The following XKR5 variants were observed in gnomAD, a reference collection of about 807,000 sequenced individuals.
XKR5 encodes the protein XK-related protein 5.
A neutral mutation model predicts 40.8 loss-of-function variants in XKR5; 46 were observed. The observed-to-expected ratio is 1.13, with a 90% CI of 0.89 to 1.44. The LOEUF (loss-of-function observed/expected upper bound fraction) is 1.44. Among genes scored for constraint, XKR5 ranks in the 40% most tolerant of loss-of-function variants. XKR5 has a pLI of 0.00. For synonymous variants in XKR5, 466 were observed against 356.1 expected (o/e 1.31, Z -3.48); for missense variants, 1,169 against 844.7 (o/e 1.38, Z -4.76).
At chr8:6,826,102 A>G (rs1031099554) in intron 2 of XKR5, among the ~76,000 whole-genome samples, 6 of 152,184 alleles carry the variant, frequency 3.9e-5, no homozygotes, top group African/African-American at 1.4e-4. Context: ...ATGTGCGTGT[A>G]TATGGGTGAA....
chr8:6,824,260 G>A (rs1447868671), intron 3 of XKR5, among the ~76,000 whole-genome samples: 1 of 150,178 alleles, frequency 6.7e-6, no homozygotes, highest in African/African-American at 2.5e-5. Flanking sequence ...TGCAATTGTG[G>A]ACACTCAGCA....
chr8:6,834,519 C>T (rs1217587034), intron 1 of XKR5, among the ~76,000 whole-genome samples: 2 of 152,248 alleles, frequency 1.3e-5, no homozygotes, highest in African/African-American at 4.8e-5. Context: ...CCCCGCAGGT[C>T]CTGTCTCAGC....
In XKR5 at chr8:6,810,358, C is replaced by G. The variant is rs1006028493; in HGVS notation, c.*840G>C. On this transcript the variant is annotated 3_prime_UTR_variant, in exon 7 of 7. Coordinates refer to ENST00000618742, the MANE Select transcript of XKR5 (RefSeq NM_207411.5). The stretch of plus-strand genomic sequence containing the variant: ...CCCTTCTTTTTGGATGGGCTTAAAT[C>G]ATGGATAGTGTCTCACATTGAATGG... 1 of 152,256 alleles carries G rather than the reference C, an allele frequency of 6.6e-6. No individual in the cohort carries two copies. The highest frequency in any genetic ancestry group is 1.5e-5 in the Non-Finnish European group (1 of 68,066). The allele number at this position is 152,256 out of a possible 1,614,324, so 9.4% of individuals were successfully genotyped here.
At chr8:6,835,296 C>A in intron 1 of XKR5, 140 bp downstream of exon 1, 2 of 837,614 alleles carry the variant, frequency 2.4e-6, no homozygotes, top group Non-Finnish European at 3.3e-6. Context: ...GGATGGCCAC[C>A]ACCGTGCGTC....
intron 6 of XKR5, among the ~76,000 whole-genome samples, chr8:6,815,103 C>T (rs1409492700): frequency 1.3e-5 from 2 of 152,162 alleles, no homozygotes; most frequent in African/African-American, 2.4e-5. Context: ...CTGGCTTTGA[C>T]GGTCCCACCG....
At chr8:6,825,101 G>T (rs923732866) in intron 3 of XKR5, 64 bp downstream of exon 3, 2 of 1,587,802 alleles carry the variant, frequency 1.3e-6, no homozygotes, top group East Asian at 2.2e-5. Flanking sequence ...TTGCTAAACA[G>T]GCTCACATTC....
In XKR5 at chr8:6,825,214, C is replaced by A. The variant is rs761361370; in HGVS notation, c.378G>T (p.Leu126=). ...AGGCTAGAAAAACATATGTCTGAAG[C>A]AGCAGGTGGGGCCCAGTCTGCAGCA... is the stretch of plus-strand genomic sequence containing the variant. ...EALLQTGPHL[L]LQTYVFLASD... Residue 126 remains leucine (L), a synonymous_variant, in exon 3 of 7, where the codon CTG becomes CTT. Coordinates refer to ENST00000618742, the MANE Select transcript of XKR5 (RefSeq NM_207411.5). 6.2e-7 allele frequency: 1 copy of A among 1,613,180 alleles called. No homozygotes were observed. Among genetic ancestry groups the A allele is most frequent in the South Asian group, 1.1e-5 (1 of 90,878 alleles).
Position 6,815,901 on chromosome 8 carries a change from G to A in XKR5, c.825C>T (p.Asn275=), listed in dbSNP as rs566651812. Residue 275 remains asparagine, a synonymous_variant, in exon 6 of 7, where the codon AAC becomes AAT. Transcript: ENST00000618742. ...VTFYMVMLLE[N]IILLLLATDF... is the part of the protein sequence containing the mutation. The stretch of plus-strand genomic sequence containing the variant: ...CGGTGGCCAACAGCAACAGGATGAT[G>A]TTCTCCAACAGCATGACCTGCGGGA... The A allele has an allele frequency of 8.2e-5, 132 of 1,601,602 alleles. 4 individuals are homozygous for A. In the South Asian group the frequency reaches 1.3e-3, roughly 16 times the overall value.
rs1563342585 is a variant in XKR5, at chr8:6,809,931, C to T, written c.*1267G>A. On this transcript the variant is annotated 3_prime_UTR_variant, in exon 7 of 7. Coordinates refer to ENST00000618742, the MANE Select transcript of XKR5 (RefSeq NM_207411.5). ...TTGGAGACCAGCCTGAGCCACCTGG[C>T]AAGAACCTGTCTCTACAAAAAATAC... 6.6e-6 allele frequency: 1 copy of T among 152,108 alleles called. No homozygotes were observed. The highest frequency in any genetic ancestry group is 1.5e-5 in the Non-Finnish European group (1 of 68,088). The allele number at this position is 152,108 out of a possible 1,614,324, so 9.4% of individuals were successfully genotyped here.
intron 6 of XKR5, among the ~76,000 whole-genome samples, chr8:6,814,127 G>A (rs1421258387): frequency 5.3e-5 from 8 of 152,354 alleles, no homozygotes; most frequent in Admixed American, 4.6e-4. Context: ...TGAGAGTGGT[G>A]CTTCTCACCC....
In XKR5 at chr8:6,822,717, C is replaced by T. The variant is rs753091540; in HGVS notation, c.638-679G>A. Among the ~76,000 whole-genome samples the T allele has an allele frequency of 9.2e-5, 14 of 152,272 alleles. No individual in the cohort carries two copies. In the East Asian group the frequency reaches 1.3e-3, roughly 15 times the overall value. On this transcript the variant is annotated intron_variant, in intron 4 of 6. Coordinates refer to ENST00000618742, the MANE Select transcript of XKR5 (RefSeq NM_207411.5). ...GATGACCAGAGATGACAGCTCTCCT[C>T]GGCAGGGACACACAGGCCCTATTCA... is the stretch of plus-strand genomic sequence containing the variant.
chr8:6,812,329 T>C lies in XKR5; in HGVS notation c.930A>G (p.Ser310=). 6.5e-7 allele frequency: 1 copy of C among 1,546,424 alleles called. No individual in the cohort carries two copies. The highest frequency in any genetic ancestry group is 8.7e-7 in the Non-Finnish European group (1 of 1,144,634). The change falls in exon 7 of 7, where the codon TCA becomes TCG. Residue 310 remains serine (S), a synonymous_variant. Coordinates refer to ENST00000618742, the MANE Select transcript of XKR5 (RefSeq NM_207411.5). ...VLSGFLIGSV[S]LVIYYSLLHP... Reference sequence around the variant, plus strand: ...GCAGCAGGCTGTAATAAATTACCAGTGAGACACTGCCTGAAAAAGAACAAA... The same window carrying C: ...GCAGCAGGCTGTAATAAATTACCAGCGAGACACTGCCTGAAAAAGAACAAA...
rs1255248397 is a variant in XKR5 at position 6,812,222 on chromosome 8, T to G, written c.1037A>C (p.Asp346Ala). 6 of 1,551,888 alleles carry G rather than the reference T, an allele frequency of 3.9e-6. No individual in the cohort carries two copies. The highest frequency in any genetic ancestry group is 5.2e-6 in the Non-Finnish European group (6 of 1,147,074). Reference sequence around the variant, plus strand: ...AGCTAGATCTGTGGCCCGGGGAGAATCTCTTCTCTCTGTTTTATCACCTCC... The same window carrying G: ...AGCTAGATCTGTGGCCCGGGGAGAAGCTCTTCTCTCTGTTTTATCACCTCC... ...IAGGDKTERR[D>A]SPRATDLAGK... Residue 346 changes from aspartate to alanine, a missense_variant, in exon 7 of 7, where the codon GAT becomes GCT. By Grantham distance (126) the Asp-to-Ala change is moderately radical (BLOSUM62 -2). Coordinates refer to ENST00000618742, the MANE Select transcript of XKR5 (RefSeq NM_207411.5).
intron 2 of XKR5, among the ~76,000 whole-genome samples, chr8:6,830,038 C>T (rs550990997): frequency 1.3e-4 from 20 of 151,856 alleles, no homozygotes; most frequent in African/African-American, 4.1e-4. Context: ...GGGGTTTCAC[C>T]GTGTTAGCCA....
chr8:6,823,819 G>A (rs952048250), intron 3 of XKR5, 89 bp from the exon 4 acceptor site: 2 of 1,155,754 alleles, frequency 1.7e-6, no homozygotes, highest in Non-Finnish European at 1.3e-6. Context: ...TTTCTTTAAT[G>A]GGATGTGTAA....
chr8:6,812,563 C>A (rs1247003590), intron 6 of XKR5, among the ~76,000 whole-genome samples: 1 of 152,200 alleles, frequency 6.6e-6, no homozygotes, highest in Non-Finnish European at 1.5e-5. Context: ...AATAACAAGG[C>A]TTAAATCCGA....
intron 5 of XKR5, among the ~76,000 whole-genome samples, chr8:6,819,358 A>T (rs1804119291): frequency 6.6e-6 from 1 of 152,206 alleles, no homozygotes; most frequent in South Asian, 2.1e-4. Context: ...CAGGGTGCAC[A>T]TCTCAGGGAG....
rs745586150 is a variant in XKR5, at chr8:6,810,207, G to T, written c.*991C>A. ...TGTGCCTTTCTCTTTGATAGTTTAT[G>T]ACTAGACTTCCTTAATCAGCTACAA... On this transcript the variant is annotated 3_prime_UTR_variant, in exon 7 of 7. Transcript: ENST00000618742. 1.3e-5 allele frequency: 2 copies of T among 152,160 alleles called. No homozygotes were observed. The highest frequency in any genetic ancestry group is 2.9e-5 in the Non-Finnish European group (2 of 68,036). 9.4% of individuals were successfully genotyped at this position (152,160 alleles called of 1,614,324 possible).
At position 6,825,114 on chromosome 8, in the gene XKR5, G is replaced by A. The variant is rs761818066; in HGVS notation, c.427+51C>T. 2.9e-5 allele frequency: 46 copies of A among 1,601,344 alleles called. 2 individuals are homozygous for A. In the South Asian group the frequency reaches 4.8e-4, roughly 17 times the overall value. ...TTTTGCTAAACAGGCTCACATTCCT[G>A]TCCCCCTTCGGCAGTCAGACAGTCT... is the stretch of plus-strand genomic sequence containing the variant. On this transcript the variant is annotated intron_variant, in intron 3 of 6. Transcript: ENST00000618742.
Sources: gnomAD v4.1 joint callset for allele counts (sites outside exome capture counted in the v4.1 genomes callset) on GRCh38, gnomAD v4.1.1 for gene constraint, MANE v1.5 for transcripts, NCBI Gene and HGNC (gene_info 2026-07-23, HGNC 2026-07-21) for gene names.